Variants in ARHGEF11 observed in about 807,000 individuals in gnomAD.
The protein encoded by ARHGEF11 is Rho guanine exchange factor (GEF) 11.
ARHGEF11 carries 55 observed loss-of-function variants against 193.7 expected under a neutral mutation model. The observed-to-expected ratio is 0.28, with a 90% CI of 0.23 to 0.36. ARHGEF11 has a LOEUF of 0.36. Ranked by LOEUF, ARHGEF11 falls within the 10% of genes least tolerant of loss-of-function variation. The pLI is 1.00. For missense variants in ARHGEF11, 1,723 were observed against 2,005.6 expected (o/e 0.86, Z 2.69); for synonymous variants, 693 against 768.0 (o/e 0.90, Z 1.62).
intron 32 of ARHGEF11, 130 bp downstream of exon 32, chr1:156,943,805 A>C (rs1657572407): frequency 8.5e-7 from 1 of 1,180,184 alleles, no homozygotes; most frequent in Admixed American, 2.8e-5. Flanking sequence ...AGGCTGGGTC[A>C]GGACAGGAGG....
chr1:157,020,556 A>G (rs1669847529), intron 1 of ARHGEF11, among the ~76,000 whole-genome samples: 1 of 152,252 alleles, frequency 6.6e-6, no homozygotes, highest in Admixed American at 6.5e-5. Flanking sequence ...CTTGCATTTT[A>G]TCTGTTTGTA....
At chr1:156,947,109 C>A in intron 26 of ARHGEF11, 94 bp from the exon 27 acceptor site, 1 of 1,532,126 alleles carries the variant, frequency 6.5e-7, no homozygotes. Flanking sequence ...GACAGCAGTG[C>A]CATGGGAAGG....
intron 30 of ARHGEF11, 22 bp downstream of exon 30, chr1:156,944,997 T>A: frequency 6.2e-7 from 1 of 1,609,466 alleles, no homozygotes; most frequent in Non-Finnish European, 8.5e-7. Flanking sequence ...AGGGGTTGAC[T>A]GCTGCAGCCT....
At chr1:157,009,070 T>C (rs140147451) in intron 1 of ARHGEF11, among the ~76,000 whole-genome samples, 7 of 152,326 alleles carry the variant, frequency 4.6e-5, no homozygotes, top group African/African-American at 1.4e-4. Context: ...GCCCAGTATA[T>C]CACCTGTAGA....
chr1:156,964,808 C>G (rs1023419580), intron 11 of ARHGEF11, among the ~76,000 whole-genome samples: 3 of 152,212 alleles, frequency 2.0e-5, no homozygotes, highest in Non-Finnish European at 4.4e-5. Flanking sequence ...CTCTCTGACC[C>G]TCTTGGGGTC....
At chr1:156,956,940 G>A (rs1660042409) in intron 18 of ARHGEF11, among the ~76,000 whole-genome samples, 1 of 152,190 alleles carries the variant, frequency 6.6e-6, no homozygotes, top group Non-Finnish European at 1.5e-5. Flanking sequence ...GACTGGCTGA[G>A]GTCTGCAGCT....
At chr1:156,944,660 C>T (rs1302062460) in intron 30 of ARHGEF11, among the ~76,000 whole-genome samples, 2 of 152,174 alleles carry the variant, frequency 1.3e-5, no homozygotes, top group Non-Finnish European at 2.9e-5. Flanking sequence ...CTTGGGTCTC[C>T]CACCTGCCCC....
intron 2 of ARHGEF11, 74 bp from the exon 3 acceptor site, chr1:156,984,511 G>C (rs1664651799): frequency 1.8e-6 from 2 of 1,102,430 alleles, no homozygotes; most frequent in Non-Finnish European, 2.7e-6. Context: ...GACCAACCCA[G>C]GGAAGCCCCA....
chr1:157,019,820 G>T (rs895429510), intron 1 of ARHGEF11, among the ~76,000 whole-genome samples: 2 of 152,224 alleles, frequency 1.3e-5, no homozygotes, highest in Non-Finnish European at 2.9e-5. Flanking sequence ...GATCTACTGT[G>T]AGAGAAAGGA....
In ARHGEF11 at chr1:156,961,926, AGTG is replaced by A; in HGVS notation, c.1141-154_1141-152del. 5 of 634,514 alleles carry A rather than the reference AGTG, an allele frequency of 7.9e-6. No homozygotes were observed. In the Middle Eastern group the frequency reaches 1.8e-3, roughly 229 times the overall value. The allele number at this position is 634,514 out of a possible 1,614,324, so 39.3% of individuals were successfully genotyped here. ...TACTGGCATCTAGTGGGTACAGCCC[AGTG>A]ATGCAGCCATATTTCCCCAAAGGCA... On this transcript the variant is annotated intron_variant, in intron 13 of 40. Transcript: ENST00000368194.
Position 156,937,300 on chromosome 1 carries a change from G to A in ARHGEF11, c.4389C>T (p.Gly1463=). 6.2e-7 allele frequency: 1 copy of A among 1,613,996 alleles called. No homozygotes were observed. The highest frequency in any genetic ancestry group is 8.5e-7 in the Non-Finnish European group (1 of 1,179,928). Residue 1463 remains glycine, a synonymous_variant, in exon 39 of 41, where the codon GGC becomes GGT. Transcript: ENST00000368194. The part of the protein sequence containing the change: ...SPPSLALRDV[G]MIFHTIEQLT... ...GCTGCTCAATGGTATGGAAGATCAT[G>A]CCCACGTCCCTGAGGGCCAGGCTTG...
At chr1:156,954,960 A>G in intron 20 of ARHGEF11, 39 bp from the exon 21 acceptor site, 1 of 1,545,842 alleles carries the variant, frequency 6.5e-7, no homozygotes, top group East Asian at 2.2e-5. Flanking sequence ...TAAACCATGA[A>G]AAGTCAATCA....
intron 3 of ARHGEF11, among the ~76,000 whole-genome samples, chr1:156,982,960 C>T (rs569381591): frequency 2.0e-4 from 30 of 152,354 alleles, no homozygotes; most frequent in Non-Finnish European, 3.2e-4. Context: ...TTTGGTCATA[C>T]ATTTGAAATT....
intron 38 of ARHGEF11, 75 bp from the exon 39 acceptor site, chr1:156,937,571 T>TC: frequency 6.9e-7 from 1 of 1,456,794 alleles, no homozygotes; most frequent in Middle Eastern, 1.9e-4. Flanking sequence ...CCTGTGGGAT[T>TC]CCCCAGCCAC....
Position 156,968,061 on chromosome 1 carries a change from C to G in ARHGEF11, c.889G>C (p.Val297Leu). ...PGLDSPRTSP[V>L]IMARVAQHHR... is the part of the protein sequence containing the mutation. ...TGCTGGGCCACCCTGGCCATGATCACAGGGGAGGTTCGAGGACTGTCTAGC... is the reference window on the plus strand; with the variant it reads ...TGCTGGGCCACCCTGGCCATGATCAGAGGGGAGGTTCGAGGACTGTCTAGC... The change falls in exon 11 of 41, where the codon GTG becomes CTG. Residue 297 changes from valine (V) to leucine (L), a missense_variant. Physicochemically the swap from Val to Leu is conservative, Grantham distance 32. This residue lies in a region of ARHGEF11 where 646 missense variants were observed against 710.7 expected (regional missense o/e 0.91). Transcript: ENST00000368194. 2 of 1,614,220 alleles carry G rather than the reference C, an allele frequency of 1.2e-6. No homozygotes were observed. Among genetic ancestry groups the G allele is most frequent in the South Asian group, 2.2e-5 (2 of 91,084 alleles).
upstream of ARHGEF11, among the ~76,000 whole-genome samples, chr1:157,046,736 TTTGTCAGAAGGTGCCGAGCGTTATGA>T (rs1258564323): frequency 6.6e-6 from 1 of 152,174 alleles, no homozygotes; most frequent in Non-Finnish European, 1.5e-5. Context: ...TAACGTGACA[TTTGTCAGAAGGTGCCGAGCGTTATGA>T]TTAAAAATCA....
intron 26 of ARHGEF11, 119 bp downstream of exon 26, chr1:156,947,185 T>C: frequency 6.7e-7 from 1 of 1,491,358 alleles, no homozygotes; most frequent in Non-Finnish European, 9.1e-7. Flanking sequence ...ACAGATCTTT[T>C]TCTCACCAGG....
At chr1:156,979,138 C>A in intron 5 of ARHGEF11, 91 bp downstream of exon 5, 1 of 1,256,634 alleles carries the variant, frequency 8.0e-7, no homozygotes, top group Non-Finnish European at 1.2e-6. Context: ...AGGAAACCTC[C>A]TGGAATGCCA....
intron 21 of ARHGEF11, among the ~76,000 whole-genome samples, chr1:156,954,441 G>GT (rs1436685900): frequency 7.0e-6 from 1 of 142,748 alleles, no homozygotes; most frequent in East Asian, 2.1e-4. Context: ...CTGCTTCACT[G>GT]TAAGACCCTT....
Sources: gnomAD v4.1 joint callset for allele counts (sites outside exome capture counted in the v4.1 genomes callset) on GRCh38, gnomAD v4.1.1 for gene constraint, gnomAD v4.1.1 regional missense constraint, MANE v1.5 for transcripts, NCBI Gene and HGNC (gene_info 2026-07-23, HGNC 2026-07-21) for gene names.